The following CSMD1 variants were observed in gnomAD, a reference collection of about 807,000 sequenced individuals.
The protein encoded by CSMD1 is CUB and sushi domain-containing protein 1.
CSMD1 carries 213 observed loss-of-function variants against 417.5 expected under a neutral mutation model. The ratio of observed to expected loss-of-function variants is 0.51; its 90% CI spans 0.46 to 0.57. The LOEUF is 0.57. Ranked by LOEUF, CSMD1 falls within the 20% of genes least tolerant of loss-of-function variation. CSMD1 has a pLI of 0.00. For missense variants in CSMD1, 6,923 were observed against 4,529.7 expected (o/e 1.53, Z -15.17); for synonymous variants, 2,862 against 1,736.8 (o/e 1.65, Z -16.11).
intron 26 of CSMD1, among the ~76,000 whole-genome samples, chr8:3,263,623 TG>T (rs1259244010): frequency 2.0e-5 from 3 of 152,216 alleles, no homozygotes; most frequent in Admixed American, 1.3e-4. Context: ...ATTATATTTT[TG>T]AGAGATTGAT....
At chr8:4,503,785 T>C (rs1221926668) in intron 2 of CSMD1, among the ~76,000 whole-genome samples, 1 of 152,058 alleles carries the variant, frequency 6.6e-6, no homozygotes, top group Admixed American at 6.6e-5. Flanking sequence ...TATCAGGCAC[T>C]GTGACAATGT....
intron 10 of CSMD1, among the ~76,000 whole-genome samples, chr8:3,556,392 A>AATATATAT (rs367650533): frequency 0.019 from 2,329 of 120,390 alleles, 65 homozygotes; most frequent in African/African-American, 0.034. Flanking sequence ...TATAATAATT[A>AATATATAT]ATATATATAT....
At chr8:4,129,824 C>G (rs1161689424) in intron 3 of CSMD1, among the ~76,000 whole-genome samples, 1 of 152,164 alleles carries the variant, frequency 6.6e-6, no homozygotes, top group South Asian at 2.1e-4. Flanking sequence ...TAAGTTGTCT[C>G]TGACACCTTT....
At position 4,656,513 on chromosome 8, in the gene CSMD1, G is replaced by T. The variant is rs548400979; in HGVS notation, c.86-18955C>A. Among the ~76,000 whole-genome samples, 13 of 151,750 alleles carry T rather than the reference G, an allele frequency of 8.6e-5. No homozygotes were observed. The South Asian group carries it at 2.5e-3, about 29-fold the overall frequency. The stretch of plus-strand genomic sequence containing the variant: ...TTTCATAAAAAAATCCATCTTGCAG[G>T]GATTCTGACAACTTTGGGTTTGTTC... On this transcript the variant is annotated intron_variant, in intron 1 of 69. Transcript: ENST00000635120.
chr8:3,904,904 T>A (rs918931789), intron 5 of CSMD1, among the ~76,000 whole-genome samples: 17 of 152,200 alleles, frequency 1.1e-4, no homozygotes, highest in African/African-American at 4.1e-4. Context: ...CCCAAAGGGC[T>A]GAGATTACAG....
intron 2 of CSMD1, among the ~76,000 whole-genome samples, chr8:4,436,599 T>C (rs552434168): frequency 2.0e-5 from 3 of 152,310 alleles, no homozygotes; most frequent in African/African-American, 7.2e-5. Context: ...CATCCTGCTG[T>C]GCAAGCAAAT....
chr8:4,054,352 T>C (rs1163562207), intron 3 of CSMD1, among the ~76,000 whole-genome samples: 2 of 152,094 alleles, frequency 1.3e-5, no homozygotes, highest in Non-Finnish European at 2.9e-5. Context: ...GTTTGATCTA[T>C]CTCTGTTGCC....
intron 1 of CSMD1, among the ~76,000 whole-genome samples, chr8:4,743,544 T>A (rs1810759334): frequency 6.6e-6 from 1 of 152,092 alleles, no homozygotes; most frequent in African/African-American, 2.4e-5. Flanking sequence ...CAAGCCAGAG[T>A]CAACCGTCAT....
chr8:3,528,066 A>T (rs13275302), intron 10 of CSMD1, among the ~76,000 whole-genome samples: 2 of 151,868 alleles, frequency 1.3e-5, no homozygotes, highest in Admixed American at 6.6e-5. Context: ...AATCCAAACC[A>T]CCCCCATATA....
At chr8:3,549,164 C>T (rs1222389912) in intron 10 of CSMD1, among the ~76,000 whole-genome samples, 2 of 152,226 alleles carry the variant, frequency 1.3e-5, no homozygotes, top group Non-Finnish European at 2.9e-5. Flanking sequence ...CTGCAAACTA[C>T]AGCTCACGGT....
At chr8:3,752,073 AC>A (rs1797369841) in intron 6 of CSMD1, among the ~76,000 whole-genome samples, 1 of 151,852 alleles carries the variant, frequency 6.6e-6, no homozygotes, top group Non-Finnish European at 1.5e-5. Context: ...ATTCAAACCC[AC>A]CCAGCCTGGG....
rs1334175980 is a variant in CSMD1, at chr8:3,219,418, G to A, written c.4509C>T (p.Asp1503=). ...CTTCCCCTTCATAGATGTGTAGGAAGTCATAGCTGGGCTCCATGTTGAAAC... is the reference window on the plus strand; with the variant it reads ...CTTCCCCTTCATAGATGTGTAGGAAATCATAGCTGGGCTCCATGTTGAAAC... ...FKSFNMEPSY[D]FLHIYEGEDS... Residue 1503 remains aspartate (D), a synonymous_variant, in exon 29 of 70, where the codon GAC becomes GAT. Coordinates refer to ENST00000635120, the MANE Select transcript of CSMD1 (RefSeq NM_033225.6). 3 of 1,524,692 alleles carry A rather than the reference G, an allele frequency of 2.0e-6. No homozygotes were observed. Among genetic ancestry groups the A allele is most frequent in the East Asian group, 4.8e-5 (2 of 41,354 alleles). 94.4% of individuals were successfully genotyped at this position (1,524,692 alleles called of 1,614,324 possible). A position where few individuals can be genotyped will look rare whatever the true frequency, so the allele number is the denominator to read the frequency against.
At chr8:3,895,883 C>T (rs1807323896) in intron 5 of CSMD1, among the ~76,000 whole-genome samples, 1 of 152,204 alleles carries the variant, frequency 6.6e-6, no homozygotes, top group Non-Finnish European at 1.5e-5. Context: ...AGGTTAACCT[C>T]ATCCCCTGAA....
chr8:4,767,396 T>C (rs1812535862), intron 1 of CSMD1, among the ~76,000 whole-genome samples: 5 of 152,218 alleles, frequency 3.3e-5, no homozygotes, highest in Admixed American at 3.3e-4. Flanking sequence ...CTTTTTATTC[T>C]GGTACCTGTG....
At chr8:3,513,728 G>C (rs759803853) in intron 10 of CSMD1, among the ~76,000 whole-genome samples, 1 of 152,194 alleles carries the variant, frequency 6.6e-6, no homozygotes. Flanking sequence ...CATAGTCTGT[G>C]TGTTAGTTAC....
chr8:4,723,510 G>C (rs574616947), intron 1 of CSMD1, among the ~76,000 whole-genome samples: 1 of 152,070 alleles, frequency 6.6e-6, no homozygotes, highest in Non-Finnish European at 1.5e-5. Flanking sequence ...TTTGTATCTT[G>C]TAGGATCTGT....
At chr8:4,488,813 T>C (rs1801551095) in intron 2 of CSMD1, among the ~76,000 whole-genome samples, 1 of 152,188 alleles carries the variant, frequency 6.6e-6, no homozygotes, top group African/African-American at 2.4e-5. Context: ...ATATTTCCTC[T>C]CTGCAAAGAG....
chr8:3,376,973 C>G lies in CSMD1; in HGVS notation c.2783-7603G>C, dbSNP rs1466633804. 2.0e-5 allele frequency among the ~76,000 whole-genome samples: 3 copies of G among 152,142 alleles called. No individual in the cohort carries two copies. The East Asian group carries it at 5.8e-4, about 29-fold the overall frequency. ...ACATGACTGACTGAAACTCCCATAT[C>G]AAACTCTAACATCACCCAAAATTTG... On this transcript the variant is annotated intron_variant, in intron 18 of 69. Transcript: ENST00000635120.
In CSMD1 at chr8:3,807,954, C is replaced by G. The variant is rs117177345; in HGVS notation, c.819-53912G>C. Among the ~76,000 whole-genome samples, 1,455 of 152,246 alleles carry G rather than the reference C, an allele frequency of 9.6e-3. 9 individuals carry two copies. The highest frequency in any genetic ancestry group is 0.014 in the Non-Finnish European group (960 of 68,008). On this transcript the variant is annotated intron_variant, in intron 5 of 69. Transcript: ENST00000635120. The stretch of plus-strand genomic sequence containing the variant: ...TTTTGAGGCTAGGTGGCTTGCATAA[C>G]TTGTCAAACAAGACATGCAGCCCTA...
Sources: gnomAD v4.1 joint callset for allele counts (sites outside exome capture counted in the v4.1 genomes callset) on GRCh38, gnomAD v4.1.1 for gene constraint, MANE v1.5 for transcripts, NCBI Gene and HGNC (gene_info 2026-07-23, HGNC 2026-07-21) for gene names.